The following CLYBL variants were observed in gnomAD, a reference collection of about 807,000 sequenced individuals.
CLYBL encodes citramalyl-CoA lyase, also known as citramalyl-CoA lyase, mitochondrial.
CLYBL carries 31 observed loss-of-function variants against 38.9 expected under a neutral mutation model. The ratio of observed to expected loss-of-function variants is 0.80; its 90% CI spans 0.60 to 1.08. CLYBL has a LOEUF of 1.08. Among genes scored for constraint, CLYBL ranks in the 50% least tolerant of loss-of-function variants. The pLI, the probability that CLYBL is intolerant of heterozygous loss-of-function variation, is 0.00. For missense variants in CLYBL, 434 were observed against 411.6 expected, an observed-to-expected ratio of 1.05 and a Z score of -0.47; for synonymous variants, 171 against 158.6, an observed-to-expected ratio of 1.08 and a Z score of -0.59.
intron 2 of CLYBL, among the ~76,000 whole-genome samples, chr13:99,851,944 G>C (rs1199861352): frequency 2.0e-5 from 3 of 152,162 alleles, no homozygotes; most frequent in Admixed American, 2.0e-4. Context: ...AACCAGCCAG[G>C]TGTCCATTAA....
intron 2 of CLYBL, among the ~76,000 whole-genome samples, chr13:99,795,351 A>G (rs1279208973): frequency 6.6e-6 from 1 of 152,170 alleles, no homozygotes; most frequent in Non-Finnish European, 1.5e-5. Context: ...CCAGGTAATT[A>G]AACCAAAAAG....
chr13:99,631,363 GTA>G (rs1491028693), intron 1 of CLYBL, among the ~76,000 whole-genome samples: 3 of 150,058 alleles, frequency 2.0e-5, no homozygotes, highest in Non-Finnish European at 3.0e-5. Context: ...GTGTGTGTGT[GTA>G]TGTATACACA....
intron 1 of CLYBL, among the ~76,000 whole-genome samples, chr13:99,769,771 A>G (rs1439793463): frequency 1.3e-5 from 2 of 152,202 alleles, no homozygotes; most frequent in African/African-American, 4.8e-5. Flanking sequence ...GTGGCAAAAT[A>G]AGACCCAGAC....
intron 1 of CLYBL, among the ~76,000 whole-genome samples, chr13:99,647,966 C>T (rs1225803045): frequency 6.6e-6 from 1 of 152,052 alleles, no homozygotes; most frequent in Non-Finnish European, 1.5e-5. Flanking sequence ...TCAGAGGAAA[C>T]AGTTCATTGG....
chr13:99,861,724 C>A (rs982099355), intron 3 of CLYBL, among the ~76,000 whole-genome samples: 1 of 151,930 alleles, frequency 6.6e-6, no homozygotes. Context: ...TTTATTTTAG[C>A]CTAATTGTAA....
Position 99,836,635 on chromosome 13 carries a change from A to T in CLYBL, c.250-22226A>T, listed in dbSNP as rs78883020. On this transcript the variant is annotated intron_variant, in intron 2 of 8. Coordinates refer to ENST00000339105, the MANE Select transcript of CLYBL (RefSeq NM_206808.5). ...ATTACAGGGATCTGTTAAAATACTT[A>T]TATGCACTTTCCTATGTTTAAGCTT... Among the ~76,000 whole-genome samples the T allele has an allele frequency of 8.8e-3, 1,348 of 152,342 alleles. 33 individuals carry two copies. Among genetic ancestry groups the T allele is most frequent in the Admixed American group, 0.051 (779 of 15,298 alleles).
At chr13:99,710,951 G>C (rs1002174787) in intron 1 of CLYBL, among the ~76,000 whole-genome samples, 2 of 138,748 alleles carry the variant, frequency 1.4e-5, no homozygotes, top group African/African-American at 5.4e-5. Flanking sequence ...GCAGTGGCGT[G>C]ATCTCGGCTC....
intron 2 of CLYBL, among the ~76,000 whole-genome samples, chr13:99,805,100 C>CT (rs1164480716): frequency 6.6e-6 from 1 of 152,110 alleles, no homozygotes; most frequent in Non-Finnish European, 1.5e-5. Flanking sequence ...AATGTCTTTC[C>CT]TTTTTGAGGC....
intron 1 of CLYBL, among the ~76,000 whole-genome samples, chr13:99,675,977 C>T (rs763923871): frequency 6.6e-6 from 1 of 152,168 alleles, no homozygotes; most frequent in Admixed American, 6.5e-5. Context: ...CCTCAGCCCC[C>T]CAAGTAGCTG....
intron 1 of CLYBL, among the ~76,000 whole-genome samples, chr13:99,707,496 A>G (rs142981370): frequency 0.021 from 3,139 of 151,726 alleles, 124 homozygotes; most frequent in African/African-American, 0.071. Context: ...CTGATCTCGA[A>G]CTCCTGACCT....
At chr13:99,895,785 G>T (rs1345072369), downstream of CLYBL, 1 of 152,266 alleles carries the variant, frequency 6.6e-6, no homozygotes, top group Non-Finnish European at 1.5e-5. Context: ...GTTAGCGCCC[G>T]GGCGGCGGCG....
At chr13:99,619,356 G>T (rs988208247) in intron 1 of CLYBL, among the ~76,000 whole-genome samples, 3 of 152,194 alleles carry the variant, frequency 2.0e-5, no homozygotes, top group Admixed American at 1.3e-4. Context: ...ACCAAGGCTG[G>T]CACCTTGATC....
At chr13:99,871,357 A>T (rs77376708) in intron 7 of CLYBL, among the ~76,000 whole-genome samples, 1 of 152,358 alleles carries the variant, frequency 6.6e-6, no homozygotes, top group East Asian at 1.9e-4. Flanking sequence ...ACAGACTTCT[A>T]TGCAGCATTC....
intron 1 of CLYBL, among the ~76,000 whole-genome samples, chr13:99,716,172 T>TTTTTTTTTTTTTA (rs2048309976): frequency 1.8e-5 from 1 of 55,138 alleles, no homozygotes; most frequent in Non-Finnish European, 3.7e-5. Context: ...TGGTGTAATT[T>TTTTTTTTTTTTTA]TTTTTTTTTT....
chr13:99,909,144 A>T (rs2052725452), exon 10 of CLYBL, among the ~76,000 whole-genome samples: 1 of 152,254 alleles, frequency 6.6e-6, no homozygotes, highest in South Asian at 2.1e-4. Flanking sequence ...CAAAGAAGGC[A>T]CAACACCATA....
intron 6 of CLYBL, among the ~76,000 whole-genome samples, chr13:99,868,064 C>T (rs914015897): frequency 2.0e-5 from 3 of 151,882 alleles, no homozygotes; most frequent in Non-Finnish European, 2.9e-5. Flanking sequence ...TATTGTTTCT[C>T]CACGACGGGG....
chr13:99,874,725 T>G (rs1400937533), intron 7 of CLYBL, among the ~76,000 whole-genome samples: 1 of 152,204 alleles, frequency 6.6e-6, no homozygotes, highest in African/African-American at 2.4e-5. Context: ...AAATCTATAT[T>G]ATGAGCTTAG....
intron 1 of CLYBL, among the ~76,000 whole-genome samples, chr13:99,703,410 G>T (rs527702341): frequency 6.6e-6 from 1 of 151,612 alleles, no homozygotes; most frequent in African/African-American, 2.4e-5. Flanking sequence ...TCACTCTGTC[G>T]CCAGGCTGGA....
intron 1 of CLYBL, among the ~76,000 whole-genome samples, chr13:99,707,683 T>A (rs187765141): frequency 3.7e-4 from 57 of 152,360 alleles, no homozygotes; most frequent in African/African-American, 1.3e-3. Flanking sequence ...TGACAGTTAG[T>A]CATGTTGTTG....
Sources: gnomAD v4.1 joint callset for allele counts (sites outside exome capture counted in the v4.1 genomes callset) on GRCh38, gnomAD v4.1.1 for gene constraint, MANE v1.5 for transcripts, NCBI Gene and HGNC (gene_info 2026-07-23, HGNC 2026-07-21) for gene names.